The following PAH variants were observed in gnomAD, a reference collection of about 807,000 sequenced individuals.
PAH encodes phenylalanine-4-hydroxylase.
PAH carries 64 observed loss-of-function variants against 62.0 expected under a neutral mutation model. That is an observed-to-expected ratio of 1.03 (90% CI 0.84 to 1.27). The LOEUF is 1.27. Among genes scored for constraint, PAH ranks in the 50% most tolerant of loss-of-function variants. PAH has a pLI of 0.00. For missense variants in PAH, 579 were observed against 542.8 expected (o/e 1.07, Z -0.66); for synonymous variants, 195 against 196.2 (o/e 0.99, Z 0.05).
intron 2 of PAH, among the ~76,000 whole-genome samples, chr12:102,911,981 T>C (rs779886085): frequency 6.6e-6 from 1 of 152,216 alleles, no homozygotes; most frequent in Non-Finnish European, 1.5e-5. Flanking sequence ...AGGAAACCTA[T>C]TTGGAGTTCT....
chr12:102,952,299 G>C (rs1206700724), upstream of PAH, among the ~76,000 whole-genome samples: 1 of 151,866 alleles, frequency 6.6e-6, no homozygotes, highest in Non-Finnish European at 1.5e-5. Context: ...AGAAAAAAAT[G>C]CACCATTTAT....
chr12:102,847,567 G>A (rs1277413012), intron 8 of PAH, among the ~76,000 whole-genome samples: 2 of 152,158 alleles, frequency 1.3e-5, no homozygotes, highest in Non-Finnish European at 2.9e-5. Flanking sequence ...TGATGTGCCA[G>A]GCAGTGTATA....
At chr12:102,932,717 A>C (rs938336473) in intron 1 of PAH, among the ~76,000 whole-genome samples, 1 of 152,222 alleles carries the variant, frequency 6.6e-6, no homozygotes, top group African/African-American at 2.4e-5. Context: ...GAAAGGAGGC[A>C]AAGCAGGTTT....
intron 1 of PAH, among the ~76,000 whole-genome samples, chr12:102,926,368 A>G (rs1878682905): frequency 6.6e-6 from 1 of 151,768 alleles, no homozygotes; most frequent in African/African-American, 2.4e-5. Context: ...TCTCTAATAT[A>G]TGAGTAAATG....
At chr12:102,857,514 A>G (rs577457328) in intron 5 of PAH, among the ~76,000 whole-genome samples, 6 of 152,322 alleles carry the variant, frequency 3.9e-5, no homozygotes, top group African/African-American at 9.6e-5. Context: ...TCCAAGACAC[A>G]TAATTGTCAG....
At chr12:102,868,061 CACATATATATACATAT>C (rs1565854732) in intron 4 of PAH, among the ~76,000 whole-genome samples, 5 of 112,238 alleles carry the variant, frequency 4.5e-5, no homozygotes, top group African/African-American at 1.4e-4. Context: ...TATATATATA[CACATATATATACATAT>C]ATGTGTGTGT....
intron 1 of PAH, among the ~76,000 whole-genome samples, chr12:102,941,195 C>G (rs1028215648): frequency 1.3e-5 from 2 of 152,116 alleles, no homozygotes; most frequent in African/African-American, 2.4e-5. Flanking sequence ...AAACAAAAAA[C>G]CATTACTGGC....
intron 5 of PAH, among the ~76,000 whole-genome samples, chr12:102,864,456 C>T (rs1322195426): frequency 2.0e-5 from 3 of 152,190 alleles, no homozygotes; most frequent in Admixed American, 6.5e-5. Flanking sequence ...CAGTTTACTG[C>T]TTTCCTGGGA....
chr12:102,862,942 T>C (rs906380547), intron 5 of PAH, among the ~76,000 whole-genome samples: 13 of 128,314 alleles, frequency 1.0e-4, no homozygotes, highest in African/African-American at 3.3e-4. Context: ...CCAGCAATGA[T>C]GGTGAAAAAA....
chr12:102,890,957 C>T (rs1203210408), intron 3 of PAH, among the ~76,000 whole-genome samples: 1 of 152,066 alleles, frequency 6.6e-6, no homozygotes, highest in East Asian at 1.9e-4. Flanking sequence ...GTGTCATGTG[C>T]CTGTAATCTC....
upstream of PAH, among the ~76,000 whole-genome samples, chr12:102,952,015 T>C (rs1879776965): frequency 5.9e-5 from 9 of 152,234 alleles, no homozygotes; most frequent in South Asian, 1.2e-3. Context: ...ATTATTACAC[T>C]GAGTAATGAC....
intron 2 of PAH, among the ~76,000 whole-genome samples, chr12:102,896,530 C>G (rs1401392432): frequency 1.3e-5 from 2 of 152,178 alleles, no homozygotes; most frequent in African/African-American, 4.8e-5. Flanking sequence ...CAAGTCCTGT[C>G]AAGAGGCCAT....
At chr12:102,922,967 A>G (rs1430403020) in intron 1 of PAH, among the ~76,000 whole-genome samples, 1 of 152,252 alleles carries the variant, frequency 6.6e-6, no homozygotes, top group Non-Finnish European at 1.5e-5. Flanking sequence ...CTATCAATCC[A>G]TATGAGTTCT....
At chr12:102,840,293 A>T (rs1472609432) in intron 12 of PAH, 107 bp downstream of exon 12, 4 of 759,382 alleles carry the variant, frequency 5.3e-6, no homozygotes, top group Non-Finnish European at 9.3e-6. Context: ...TTTTCTCCTT[A>T]ATTAAATATT....
Position 102,867,194 on chromosome 12 carries a change from G to A in PAH, c.442-531C>T, listed in dbSNP as rs112956100. ...CTCACAACAAACTTGCGAGTTCGAT[G>A]AGTATGATTATCCTGTTCTTTCCGG... On this transcript the variant is annotated intron_variant, in intron 4 of 12. Transcript: ENST00000553106. Among the ~76,000 whole-genome samples the A allele has an allele frequency of 5.9e-3, 902 of 152,314 alleles. 10 individuals are homozygous for A. The highest frequency in any genetic ancestry group is 0.019 in the African/African-American group (793 of 41,568).
intron 1 of PAH, among the ~76,000 whole-genome samples, chr12:102,925,377 T>A (rs1385874726): frequency 6.6e-6 from 1 of 152,174 alleles, no homozygotes; most frequent in Non-Finnish European, 1.5e-5. Flanking sequence ...TGGTTATTGA[T>A]ATCATAAAGC....
In PAH at chr12:102,924,722, A is replaced by C. The variant is rs140206707; in HGVS notation, c.-95-7497T>G. Among the ~76,000 whole-genome samples the C allele has an allele frequency of 4.6e-5, 7 of 152,272 alleles. 1 individual carries two copies. The East Asian group carries it at 1.4e-3, about 29-fold the overall frequency. On this transcript the variant is annotated intron_variant, in intron 1 of 3. Coordinates refer to the PAH transcript ENST00000546844. ...GAAGTTGCCATCAGCTTCTGTATGA[A>C]TCAGAATGTCCTAAGCTCAGTGTTC... is the stretch of plus-strand genomic sequence containing the variant.
intron 2 of PAH, among the ~76,000 whole-genome samples, chr12:102,903,355 T>C (rs2136713719): frequency 7.7e-6 from 1 of 130,110 alleles, no homozygotes; most frequent in Non-Finnish European, 1.6e-5. Context: ...AGTGAGATTC[T>C]GTCTCAAAAA....
At chr12:102,881,435 T>C (rs74678619) in intron 3 of PAH, among the ~76,000 whole-genome samples, 3,000 of 152,250 alleles carry the variant, frequency 0.02, 103 homozygotes, top group African/African-American at 0.066. Context: ...ATTCATCATC[T>C]CATGTAGTCA....
Sources: gnomAD v4.1 joint callset for allele counts (sites outside exome capture counted in the v4.1 genomes callset) on GRCh38, gnomAD v4.1.1 for gene constraint, MANE v1.5 for transcripts, NCBI Gene and HGNC (gene_info 2026-07-23, HGNC 2026-07-21) for gene names.